Variants in CAB39L observed in about 807,000 individuals in gnomAD.
CAB39L encodes the protein calcium-binding protein 39-like.
CAB39L carries 23 observed loss-of-function variants against 39.1 expected under a neutral mutation model. The ratio of observed to expected loss-of-function variants is 0.59; its 90% CI spans 0.42 to 0.83. The LOEUF (loss-of-function observed/expected upper bound fraction) is 0.83, where lower values mean the gene tolerates loss of function less well. Among genes scored for constraint, CAB39L ranks in the 40% least tolerant of loss-of-function variants. The probability of loss-of-function intolerance (pLI) is 0.00; values close to 1 mark genes in which losing one functional copy is unlikely to be tolerated. For missense variants in CAB39L, 366 were observed against 391.9 expected, an observed-to-expected ratio of 0.93 and a Z score of 0.56; for synonymous variants, 126 against 137.2, an observed-to-expected ratio of 0.92 and a Z score of 0.57.
chr13:49,319,308 C>G (rs1301031956), intron 10 of CAB39L, among the ~76,000 whole-genome samples: 1 of 151,952 alleles, frequency 6.6e-6, no homozygotes, highest in Admixed American at 6.6e-5. Context: ...CATGGATGAA[C>G]CTTGAAAACA....
rs1001353176 is a variant in CAB39L, at chr13:49,444,050, G to T, written c.-310C>A. The stretch of plus-strand genomic sequence containing the variant: ...CTCTCGACTACGAGTAACTCCATTG[G>T]CTCAGCTACAGTGCGCGAGACAAGC... On this transcript the variant is annotated 5_prime_UTR_variant, in exon 1 of 11. Coordinates refer to ENST00000409308, the MANE Select transcript of CAB39L (RefSeq NM_001079670.3). 9 of 455,096 alleles carry T rather than the reference G, an allele frequency of 2.0e-5. No homozygotes were observed. Among genetic ancestry groups the T allele is most frequent in the Non-Finnish European group, 3.1e-5 (7 of 226,246 alleles). The allele number at this position is 455,096 out of a possible 1,614,324, so 28.2% of individuals were successfully genotyped here. A position where few individuals can be genotyped will look rare whatever the true frequency, so the allele number is the denominator to read the frequency against.
Position 49,332,091 on chromosome 13 carries a change from C to A in CAB39L, c.691-1G>T, listed in dbSNP as rs745433220. 1.9e-6 allele frequency: 3 copies of A among 1,613,040 alleles called. No homozygotes were observed. Among genetic ancestry groups the A allele is most frequent in the Non-Finnish European group, 2.5e-6 (3 of 1,179,366 alleles). On this transcript the variant is annotated splice_acceptor_variant, in intron 9 of 10. Transcript: ENST00000409308. LOFTEE classifies it high-confidence loss of function. ...GGTCCAGGATCAGCTCCCCTAGCAGCTAGAGGAAAACACAAAACCAAAGCT... is the reference window on the plus strand; with the variant it reads ...GGTCCAGGATCAGCTCCCCTAGCAGATAGAGGAAAACACAAAACCAAAGCT...
chr13:49,426,262 T>C (rs935160069), intron 3 of CAB39L, among the ~76,000 whole-genome samples: 7 of 152,216 alleles, frequency 4.6e-5, no homozygotes, highest in African/African-American at 1.7e-4. Context: ...TTTATGTGAC[T>C]GAAAAGTACT....
At position 49,377,146 on chromosome 13, in the gene CAB39L, G is replaced by A. The variant is rs374830513; in HGVS notation, c.112-15C>T. On this transcript the variant is annotated splice_polypyrimidine_tract_variant and intron_variant, in intron 4 of 10. Coordinates refer to ENST00000409308, the MANE Select transcript of CAB39L (RefSeq NM_001079670.3). ...TCTTCTGAAGCCTAGTGACCAAAAC[G>A]TATGCTAACGGTTAAAAGAATAAAA... is the stretch of plus-strand genomic sequence containing the variant. 3.4e-5 allele frequency: 55 copies of A among 1,604,880 alleles called. No homozygotes were observed. The highest frequency in any genetic ancestry group is 3.1e-4 in the Admixed American group (18 of 58,798).
intron 6 of CAB39L, among the ~76,000 whole-genome samples, chr13:49,355,514 A>G (rs1243220074): frequency 6.6e-6 from 1 of 152,182 alleles, no homozygotes; most frequent in Non-Finnish European, 1.5e-5. Context: ...AAAAGAACCA[A>G]CATCCTTGGT....
chr13:49,407,947 G>T (rs543530002), intron 3 of CAB39L, among the ~76,000 whole-genome samples: 15 of 151,138 alleles, frequency 9.9e-5, no homozygotes, highest in Middle Eastern at 3.4e-3. Flanking sequence ...AAAAAAACTA[G>T]AAATCCAGGT....
At chr13:49,402,310 G>A (rs1382395364) in intron 3 of CAB39L, among the ~76,000 whole-genome samples, 1 of 152,276 alleles carries the variant, frequency 6.6e-6, no homozygotes, top group Non-Finnish European at 1.5e-5. Context: ...TTGGGGATGA[G>A]GAATTAGGTA....
At chr13:49,317,957 A>G (rs922766201) in intron 10 of CAB39L, among the ~76,000 whole-genome samples, 2 of 152,212 alleles carry the variant, frequency 1.3e-5, no homozygotes, top group African/African-American at 4.8e-5. Context: ...AAAGAACTTG[A>G]ACAGACATTT....
At chr13:49,320,674 T>C (rs1954312942) in intron 10 of CAB39L, among the ~76,000 whole-genome samples, 1 of 152,220 alleles carries the variant, frequency 6.6e-6, no homozygotes, top group Non-Finnish European at 1.5e-5. Flanking sequence ...ATGCTCTGTA[T>C]ATGCTCCTGT....
chr13:49,386,635 C>T (rs1229554337), intron 3 of CAB39L, among the ~76,000 whole-genome samples: 1 of 152,078 alleles, frequency 6.6e-6, no homozygotes, highest in East Asian at 1.9e-4. Context: ...TTCATCTTAT[C>T]ATTATTCTTC....
intron 3 of CAB39L, among the ~76,000 whole-genome samples, chr13:49,394,502 G>A (rs543675525): frequency 6.6e-6 from 1 of 152,002 alleles, no homozygotes; most frequent in African/African-American, 2.4e-5. Context: ...CACAACCTCT[G>A]GCTTTATAGT....
Position 49,397,775 on chromosome 13 carries a change from G to A in CAB39L, c.-31-14834C>T, listed in dbSNP as rs145921808. On this transcript the variant is annotated intron_variant, in intron 3 of 10. Transcript: ENST00000409308. ...TTTTACAATCTCAACTTATAGCAGCGATCTGAACCAAAGTCAGTATTCTCA... is the reference window on the plus strand; with the variant it reads ...TTTTACAATCTCAACTTATAGCAGCAATCTGAACCAAAGTCAGTATTCTCA... Among the ~76,000 whole-genome samples, 56 of 152,086 alleles carry A rather than the reference G, an allele frequency of 3.7e-4. No homozygotes were observed. The East Asian group carries it at 9.7e-3, about 26-fold the overall frequency.
chr13:49,402,872 T>C (rs1956802573), intron 3 of CAB39L, among the ~76,000 whole-genome samples: 1 of 152,268 alleles, frequency 6.6e-6, no homozygotes, highest in African/African-American at 2.4e-5. Context: ...TTAGTAGTTT[T>C]ATAATTTTTA....
chr13:49,411,815 G>C (rs941223265), intron 3 of CAB39L, among the ~76,000 whole-genome samples: 1 of 152,084 alleles, frequency 6.6e-6, no homozygotes, highest in African/African-American at 2.4e-5. Flanking sequence ...AGGAACATTC[G>C]AGCCCCCAGC....
chr13:49,379,715 A>C (rs1303355839), intron 4 of CAB39L, among the ~76,000 whole-genome samples: 3 of 150,778 alleles, frequency 2.0e-5, no homozygotes, highest in Non-Finnish European at 3.0e-5. Context: ...TTAAAAAAAA[A>C]AAAAAACAAA....
intron 1 of CAB39L, among the ~76,000 whole-genome samples, chr13:49,434,446 T>G (rs1784447605): frequency 6.6e-6 from 1 of 152,212 alleles, no homozygotes; most frequent in Non-Finnish European, 1.5e-5. Context: ...CAAACTCTAT[T>G]ATGTTAGCTT....
chr13:49,360,427 G>A (rs904881231), intron 5 of CAB39L, among the ~76,000 whole-genome samples: 1 of 152,162 alleles, frequency 6.6e-6, no homozygotes, highest in African/African-American at 2.4e-5. Flanking sequence ...TAGAGGAACA[G>A]AAGAGATCAC....
intron 1 of CAB39L, among the ~76,000 whole-genome samples, chr13:49,443,739 T>TACCACCACCACAACCATC (rs964219033): frequency 1.3e-5 from 2 of 151,826 alleles, no homozygotes; most frequent in South Asian, 2.1e-4. Flanking sequence ...TCCCTACTAT[T>TACCACCACCACAACCATC]ACCACCACCA....
intron 10 of CAB39L, among the ~76,000 whole-genome samples, chr13:49,319,847 AG>A (rs1315716533): frequency 4.7e-4 from 71 of 151,774 alleles, no homozygotes; most frequent in Middle Eastern, 6.8e-3. Context: ...AAAAAAAAAA[AG>A]ATTAACTATA....
Sources: gnomAD v4.1 joint callset for allele counts (sites outside exome capture counted in the v4.1 genomes callset) on GRCh38, gnomAD v4.1.1 for gene constraint, MANE v1.5 for transcripts, NCBI Gene and HGNC (gene_info 2026-07-23, HGNC 2026-07-21) for gene names.